The following UNC5D variants were observed in gnomAD, a reference collection of about 807,000 sequenced individuals.
UNC5D encodes netrin receptor UNC5D.
In UNC5D, 39 loss-of-function variants were observed where a neutral mutation model predicts 105.4. The ratio of observed to expected loss-of-function variants is 0.37; its 90% confidence interval spans 0.29 to 0.48. The LOEUF is 0.48. UNC5D is among the 20% of genes least tolerant of loss of function. The pLI is 0.98. For synonymous variants in UNC5D, 452 were observed against 450.4 expected, an observed-to-expected ratio of 1.00 and a Z score of -0.04; for missense variants, 991 against 1,202.4, an observed-to-expected ratio of 0.82 and a Z score of 2.60.
intron 1 of UNC5D, among the ~76,000 whole-genome samples, chr8:35,327,968 T>G (rs2128891709): frequency 6.6e-6 from 1 of 152,340 alleles, no homozygotes; most frequent in African/African-American, 2.4e-5. Context: ...TTGTTAATTT[T>G]TGGCCCATGT....
intron 1 of UNC5D, among the ~76,000 whole-genome samples, chr8:35,497,206 G>A (rs1180485270): frequency 6.6e-6 from 1 of 152,162 alleles, no homozygotes; most frequent in Non-Finnish European, 1.5e-5. Context: ...AGGTCCATTT[G>A]TTCAGGATTT....
intron 1 of UNC5D, among the ~76,000 whole-genome samples, chr8:35,283,758 T>C (rs937597834): frequency 5.3e-5 from 8 of 151,234 alleles, no homozygotes; most frequent in African/African-American, 1.9e-4. Context: ...GAGCTGAGAT[T>C]GCGCCACTAC....
At chr8:35,646,368 T>C (rs1485352587) in intron 4 of UNC5D, among the ~76,000 whole-genome samples, 4 of 152,084 alleles carry the variant, frequency 2.6e-5, no homozygotes, top group Non-Finnish European at 4.4e-5. Flanking sequence ...AGGGAGAACA[T>C]TGAAGAACAT....
intron 1 of UNC5D, among the ~76,000 whole-genome samples, chr8:35,503,591 C>T (rs1325039798): frequency 6.6e-6 from 1 of 152,196 alleles, no homozygotes; most frequent in Non-Finnish European, 1.5e-5. Flanking sequence ...ACCCTGTGCT[C>T]AGGACTGTGA....
intron 4 of UNC5D, among the ~76,000 whole-genome samples, chr8:35,666,014 G>A (rs558374842): frequency 2.0e-5 from 3 of 150,490 alleles, no homozygotes; most frequent in Non-Finnish European, 4.4e-5. Flanking sequence ...GGATTATTAG[G>A]GATATTTCCT....
At chr8:35,292,000 G>T (rs1286439964) in intron 1 of UNC5D, among the ~76,000 whole-genome samples, 3 of 152,134 alleles carry the variant, frequency 2.0e-5, no homozygotes, top group Admixed American at 6.5e-5. Flanking sequence ...TTTCTTCTAG[G>T]TTTCTTCCCC....
At chr8:35,269,941 C>T (rs530889855) in intron 1 of UNC5D, among the ~76,000 whole-genome samples, 2 of 152,240 alleles carry the variant, frequency 1.3e-5, no homozygotes, top group Middle Eastern at 3.4e-3. Flanking sequence ...TTGATGGCAT[C>T]CCCCAGCCAC....
At chr8:35,616,428 G>A (rs1038249509) in intron 4 of UNC5D, among the ~76,000 whole-genome samples, 1 of 152,206 alleles carries the variant, frequency 6.6e-6, no homozygotes, top group Non-Finnish European at 1.5e-5. Context: ...GAACATACAA[G>A]CCTCCTGCTT....
chr8:35,657,084 A>ATATATATATATATATATG (rs1823812800), intron 4 of UNC5D, among the ~76,000 whole-genome samples: 1 of 45,956 alleles, frequency 2.2e-5, no homozygotes. Context: ...GTGTGTGTAT[A>ATATATATATATATATATG]TATATATATA....
Position 35,607,856 on chromosome 8 carries a change from C to T in UNC5D, c.570+12199C>T, listed in dbSNP as rs192641588. Among the ~76,000 whole-genome samples the T allele has an allele frequency of 1.8e-3, 261 of 148,736 alleles. 3 individuals carry two copies. Among genetic ancestry groups the T allele is most frequent in the African/African-American group, 6.5e-3 (248 of 38,270 alleles). On this transcript the variant is annotated intron_variant, in intron 4 of 16. Transcript: ENST00000404895. ...TATAAATTAACCCTAACCCTAACCC[C>T]TAACCCTAACCCTAACCCTAGCAGT...
chr8:35,746,628 T>A (rs756478112), intron 11 of UNC5D, among the ~76,000 whole-genome samples: 2 of 151,990 alleles, frequency 1.3e-5, no homozygotes, highest in Admixed American at 6.6e-5. Flanking sequence ...GTGAAAGGAG[T>A]CTTGCTATTC....
At chr8:35,767,570 AGAATTCT>A (rs1342346720) in intron 15 of UNC5D, among the ~76,000 whole-genome samples, 7 of 152,212 alleles carry the variant, frequency 4.6e-5, no homozygotes. Context: ...CCCCAGGCTC[AGAATTCT>A]GTACATCCAC....
intron 1 of UNC5D, among the ~76,000 whole-genome samples, chr8:35,479,842 G>T (rs1316029454): frequency 6.6e-6 from 1 of 152,184 alleles, no homozygotes; most frequent in Non-Finnish European, 1.5e-5. Flanking sequence ...CTACCTTGGT[G>T]ATGGCATCAT....
rs900048755 is a variant in UNC5D at position 35,235,621 on chromosome 8, G to T, written c.-164G>T. On this transcript the variant is annotated 5_prime_UTR_variant, in exon 1 of 17. Coordinates refer to ENST00000404895, the MANE Select transcript of UNC5D (RefSeq NM_080872.4). ...CCCTTTCTCGGGGTGCCCATTCAGC[G>T]GCGGCTCGGAGCTCCCTGCCCCGCT... 2 of 474,480 alleles carry T rather than the reference G, an allele frequency of 4.2e-6. No individual in the cohort carries two copies. The highest frequency in any genetic ancestry group is 7.4e-5 in the East Asian group (2 of 27,202). The allele number at this position is 474,480 out of a possible 1,614,324, so 29.4% of individuals were successfully genotyped here.
chr8:35,253,111 TGTGTGTGTGTGC>T, intron 1 of UNC5D, among the ~76,000 whole-genome samples: 1 of 152,090 alleles, frequency 6.6e-6, no homozygotes. Context: ...AGTCTGTGTG[TGTGTGTGTGTGC>T]GTGTGTGTGT....
intron 1 of UNC5D, among the ~76,000 whole-genome samples, chr8:35,502,138 T>C (rs2130250226): frequency 6.6e-6 from 1 of 152,352 alleles, no homozygotes; most frequent in African/African-American, 2.4e-5. Flanking sequence ...TAGCCAATTA[T>C]AAACATGTTT....
At chr8:35,528,105 T>A (rs1814027988) in intron 1 of UNC5D, among the ~76,000 whole-genome samples, 1 of 149,984 alleles carries the variant, frequency 6.7e-6, no homozygotes, top group South Asian at 2.2e-4. Context: ...TGCAGGTTAG[T>A]TACATATGTA....
chr8:35,433,716 G>T (rs973059163), intron 1 of UNC5D, among the ~76,000 whole-genome samples: 1 of 151,676 alleles, frequency 6.6e-6, no homozygotes, highest in African/African-American at 2.4e-5. Flanking sequence ...AGGCATGGTG[G>T]CACATGCCTG....
intron 1 of UNC5D, among the ~76,000 whole-genome samples, chr8:35,458,095 C>T (rs1026617172): frequency 2.0e-5 from 3 of 152,098 alleles, no homozygotes; most frequent in African/African-American, 4.8e-5. Flanking sequence ...AGCACTGCTG[C>T]CTGCTCTGCA....
Sources: gnomAD v4.1 joint callset for allele counts (sites outside exome capture counted in the v4.1 genomes callset) on GRCh38, gnomAD v4.1.1 for gene constraint, MANE v1.5 for transcripts, NCBI Gene and HGNC (gene_info 2026-07-23, HGNC 2026-07-21) for gene names.